CDKL5: variants seen among roughly 807,000 people sequenced by gnomAD.
The protein encoded by CDKL5 is cyclin-dependent kinase-like 5.
A neutral mutation model predicts 61.7 loss-of-function variants in CDKL5; 8 were observed. That is an observed-to-expected ratio of 0.13 (90% CI 0.08 to 0.23). The LOEUF (loss-of-function observed/expected upper bound fraction) is 0.23. CDKL5 is among the 10% of genes least tolerant of loss of function. The probability of loss-of-function intolerance (pLI) is 1.00; values close to 1 mark genes in which losing one functional copy is unlikely to be tolerated. For synonymous variants in CDKL5, 275 were observed against 272.3 expected (o/e 1.01, Z -0.10); for missense variants, 440 against 734.5 (o/e 0.60, Z 4.63).
chrX:18,618,405 T>C (rs889138507), intron 15 of CDKL5, among the ~76,000 whole-genome samples: 2 of 111,838 alleles, frequency 1.8e-5, no homozygotes, highest in African/African-American at 6.5e-5. Flanking sequence ...TACTAGATGC[T>C]CTCTGAGGCT....
rs370866731 is a variant in CDKL5 at position 18,507,012 on chromosome X, G to A, written c.-85G>A. 8 of 671,484 alleles carry A rather than the reference G, an allele frequency of 1.2e-5. No homozygotes were observed. The highest frequency in any genetic ancestry group is 1.1e-4 in the African/African-American group (5 of 46,662). The allele number at this position is 671,484 out of a possible 1,213,427, so 55.3% of individuals were successfully genotyped here. On this transcript the variant is annotated 5_prime_UTR_variant, in exon 2 of 18. Transcript: ENST00000623535. Reference sequence around the variant, plus strand: ...CCAGTGAGAATTTCTTCCTTCAGACGGTTTTGGATCTTACTGCACAGCTTT... The same window carrying A: ...CCAGTGAGAATTTCTTCCTTCAGACAGTTTTGGATCTTACTGCACAGCTTT...
chrX:18,489,632 AT>A (rs926278532), intron 1 of CDKL5, among the ~76,000 whole-genome samples: 1 of 111,185 alleles, frequency 9.0e-6, no homozygotes, highest in Non-Finnish European at 1.9e-5. Context: ...AAATCTCTGA[AT>A]CCACTTATGA....
intron 2 of CDKL5, 83 bp downstream of exon 2, chrX:18,507,243 C>A: frequency 1.6e-6 from 1 of 633,661 alleles, no homozygotes; most frequent in Non-Finnish European, 2.7e-6. Context: ...CTAATTAGAT[C>A]CTGTTAATTT....
intron 3 of CDKL5, among the ~76,000 whole-genome samples, chrX:18,519,020 A>G (rs1390268413): frequency 9.0e-6 from 1 of 110,939 alleles, no homozygotes; most frequent in Admixed American, 9.6e-5. Flanking sequence ...AGGGCCCAGA[A>G]TCCTTGGTGT....
intron 1 of CDKL5, among the ~76,000 whole-genome samples, chrX:18,470,396 G>GAAAAGA (rs1921050574): frequency 1.1e-5 from 1 of 94,978 alleles, no homozygotes; most frequent in Non-Finnish European, 2.1e-5. Flanking sequence ...AAAAAAAGAA[G>GAAAAGA]TAAATGGATG....
chrX:18,526,817 C>G (rs1409407030), intron 3 of CDKL5, among the ~76,000 whole-genome samples: 1 of 107,691 alleles, frequency 9.3e-6, no homozygotes, highest in Non-Finnish European at 1.9e-5. Flanking sequence ...GAGTTTCACT[C>G]TTGTTGCCCA....
intron 10 of CDKL5, 91 bp from the exon 11 acceptor site, chrX:18,598,371 A>G: frequency 1.4e-6 from 1 of 697,916 alleles, no homozygotes; most frequent in Non-Finnish European, 2.2e-6. Context: ...ATGACTGTGT[A>G]TTTCTTTTAT....
intron 21 of CDKL5, among the ~76,000 whole-genome samples, chrX:18,651,142 G>A (rs1232211381): frequency 1.3e-4 from 1 of 7,633 alleles, no homozygotes; most frequent in Non-Finnish European, 2.8e-4. Flanking sequence ...CGCACCCCCC[G>A]CCACACCCTC....
chrX:18,482,549 A>G (rs1921621497), intron 1 of CDKL5, among the ~76,000 whole-genome samples: 1 of 109,865 alleles, frequency 9.1e-6, no homozygotes, highest in Non-Finnish European at 1.9e-5. Flanking sequence ...GATGTCTTTC[A>G]TGAAACTTCT....
At chrX:18,469,159 T>A (rs1243825533) in intron 1 of CDKL5, among the ~76,000 whole-genome samples, 1 of 97,317 alleles carries the variant, frequency 1.0e-5, no homozygotes, top group Non-Finnish European at 2.1e-5. Flanking sequence ...GCCAACATGG[T>A]GAAACCCCGT....
chrX:18,518,816 A>G (rs1369777639), intron 3 of CDKL5, among the ~76,000 whole-genome samples: 1 of 109,442 alleles, frequency 9.1e-6, no homozygotes, highest in Non-Finnish European at 1.9e-5. Context: ...TTTTTCCAAT[A>G]AATTTCTCCA....
At chrX:18,507,911 A>C (rs1419392066) in intron 2 of CDKL5, among the ~76,000 whole-genome samples, 1 of 111,853 alleles carries the variant, frequency 8.9e-6, no homozygotes, top group Non-Finnish European at 1.9e-5. Flanking sequence ...GTATCATGTC[A>C]CAGTTTAATT....
At chrX:18,563,354 C>T (rs1300786220) in intron 3 of CDKL5, among the ~76,000 whole-genome samples, 4 of 111,499 alleles carry the variant, frequency 3.6e-5, no homozygotes, top group Non-Finnish European at 5.7e-5. Context: ...CTGATAATCT[C>T]CTGCATTACT....
rs893252341 is a variant in CDKL5, at chrX:18,635,570, C to G, written c.*6813C>G. 1 of 748,137 alleles carries G rather than the reference C, an allele frequency of 1.3e-6. No individual in the cohort carries two copies. The highest frequency in any genetic ancestry group is 1.6e-6 in the Non-Finnish European group (1 of 634,768). The allele number at this position is 748,137 out of a possible 1,213,427, so 61.7% of individuals were successfully genotyped here. On this transcript the variant is annotated 3_prime_UTR_variant, in exon 18 of 18. Transcript: ENST00000623535. ...AGACAGAAATTAATGTAAAACTAGGCAAATCCTGTAACTTAATGATGTTGA... is the reference window on the plus strand; with the variant it reads ...AGACAGAAATTAATGTAAAACTAGGGAAATCCTGTAACTTAATGATGTTGA...
chrX:18,498,812 G>A (rs769672177), intron 1 of CDKL5, among the ~76,000 whole-genome samples: 38 of 111,920 alleles, frequency 3.4e-4, no homozygotes, highest in African/African-American at 1.2e-3. Flanking sequence ...TTGAGATGGA[G>A]TTTTGCTCTG....
At chrX:18,503,353 T>C (rs1323261107) in intron 1 of CDKL5, among the ~76,000 whole-genome samples, 3 of 111,493 alleles carry the variant, frequency 2.7e-5, no homozygotes, top group Non-Finnish European at 5.6e-5. Flanking sequence ...GCAGCTAATT[T>C]TTATATATTT....
chrX:18,497,042 G>C (rs1428346074), intron 1 of CDKL5, among the ~76,000 whole-genome samples: 1 of 108,220 alleles, frequency 9.2e-6, no homozygotes, highest in Non-Finnish European at 1.9e-5. Flanking sequence ...TTCCAGGCTG[G>C]AGTGCAGTGG....
chrX:18,592,860 A>G, intron 9 of CDKL5, among the ~76,000 whole-genome samples: 1 of 112,140 alleles, frequency 8.9e-6, no homozygotes, highest in South Asian at 3.7e-4. Flanking sequence ...AGACAGGAAA[A>G]TCTACAAGAT....
chrX:18,565,486 C>T (rs1353396778), intron 4 of CDKL5, among the ~76,000 whole-genome samples: 2 of 111,876 alleles, frequency 1.8e-5, no homozygotes, highest in Non-Finnish European at 3.8e-5. Context: ...AAACTATGGT[C>T]TAAGAGTAAG....
Sources: gnomAD v4.1 joint callset for allele counts (sites outside exome capture counted in the v4.1 genomes callset) on GRCh38, gnomAD v4.1.1 for gene constraint, MANE v1.5 for transcripts, NCBI Gene and HGNC (gene_info 2026-07-23, HGNC 2026-07-21) for gene names.